Variants in CACNB3 observed in about 807,000 individuals in gnomAD.
CACNB3 encodes the protein voltage-dependent L-type calcium channel subunit beta-3.
In CACNB3, 36 loss-of-function variants were observed where a neutral mutation model predicts 63.7. The ratio of observed to expected loss-of-function variants is 0.57; its 90% CI spans 0.43 to 0.75. The LOEUF (loss-of-function observed/expected upper bound fraction) is 0.75, where lower values mean the gene tolerates loss of function less well. Ranked by LOEUF, CACNB3 falls within the 30% of genes least tolerant of loss-of-function variation. The pLI is 0.00. For missense variants in CACNB3, 493 were observed against 648.6 expected, an observed-to-expected ratio of 0.76 and a Z score of 2.61; for synonymous variants, 241 against 250.6, an observed-to-expected ratio of 0.96 and a Z score of 0.36.
rs1457041782 is a variant in CACNB3 at position 48,826,342 on chromosome 12, G to A, written c.743-25G>A. 1 of 1,613,600 alleles carries A rather than the reference G, an allele frequency of 6.2e-7. No individual in the cohort carries two copies. Among genetic ancestry groups the A allele is most frequent in the Admixed American group, 1.7e-5 (1 of 60,020 alleles). Reference sequence around the variant, plus strand: ...GAGCAGTGGGCAGAGCTCCTGGTGAGCACTGCTGCTGCCTCCCTCCATAGC... The same window carrying A: ...GAGCAGTGGGCAGAGCTCCTGGTGAACACTGCTGCTGCCTCCCTCCATAGC... On this transcript the variant is annotated intron_variant, in intron 9 of 12. Transcript: ENST00000301050. This position sits in a 1 kb window ranked among gnomAD's most constrained non-coding sequence, Gnocchi z 4.8.
upstream of CACNB3, chr12:48,814,673 C>T (rs1942243245): frequency 1.2e-5 from 13 of 1,077,462 alleles, no homozygotes; most frequent in South Asian, 2.0e-4. This position sits in a 1 kb window ranked among gnomAD's most constrained non-coding sequence, Gnocchi z 6.9. Flanking sequence ...GACTGCAGTT[C>T]CTGGAGAAAG....
intron 1 of CACNB3, 78 bp downstream of exon 1, chr12:48,819,052 G>A: frequency 6.7e-7 from 1 of 1,497,802 alleles, no homozygotes; most frequent in Non-Finnish European, 9.1e-7. Flanking sequence ...CCCCGGTTCA[G>A]GACTTTGAAA....
At position 48,828,070 on chromosome 12, in the gene CACNB3, A is replaced by AG. The variant is rs1938247914; in HGVS notation, c.*175dup. 1.6e-6 allele frequency: 1 copy of AG among 633,236 alleles called. No homozygotes were observed. The highest frequency in any genetic ancestry group is 1.8e-5 in the African/African-American group (1 of 54,552). The allele number at this position is 633,236 out of a possible 1,614,324, so 39.2% of individuals were successfully genotyped here. On this transcript the variant is annotated 3_prime_UTR_variant, in exon 13 of 13. Coordinates refer to ENST00000301050, the MANE Select transcript of CACNB3 (RefSeq NM_000725.4). ...GTGGTCCCAAGGTTCTGGGAGAAAC[A>AG]GGGGACCCCCTCACCTCCTGGGCAG... is the stretch of plus-strand genomic sequence containing the variant.
Position 48,828,131 on chromosome 12 carries a change from G to A in CACNB3, c.*232G>A, listed in dbSNP as rs926621726. The stretch of plus-strand genomic sequence containing the variant: ...TAGGCTCCCATTCCAGGTACTAGCT[G>A]TGTGTTCTGCACCCCTGGCACCTTC... On this transcript the variant is annotated 3_prime_UTR_variant, in exon 13 of 13. Transcript: ENST00000301050. The A allele has an allele frequency of 3.4e-6, 2 of 581,888 alleles. No individual in the cohort carries two copies. The highest frequency in any genetic ancestry group is 1.9e-5 in the African/African-American group (1 of 53,458). 36.0% of individuals were successfully genotyped at this position (581,888 alleles called of 1,614,324 possible). A position where few individuals can be genotyped will look rare whatever the true frequency, so the allele number is the denominator to read the frequency against.
rs1253987167 is a variant in CACNB3, at chr12:48,823,904, G to A, written c.291+101G>A. On this transcript the variant is annotated intron_variant, in intron 3 of 12. Coordinates refer to ENST00000301050, the MANE Select transcript of CACNB3 (RefSeq NM_000725.4). The surrounding 1 kb of genome is among the most constrained non-coding windows in gnomAD (Gnocchi z 4.2). The stretch of plus-strand genomic sequence containing the variant: ...TTGAATCCTCAGTCTAATTCCCCAA[G>A]CTAATCAGCTCTTCTCCTTAACACA... The A allele has an allele frequency of 6.8e-7, 1 of 1,469,736 alleles. No individual in the cohort carries two copies. Among genetic ancestry groups the A allele is most frequent in the African/African-American group, 1.4e-5 (1 of 71,612 alleles). 91.0% of individuals were successfully genotyped at this position (1,469,736 alleles called of 1,614,324 possible).
In CACNB3 at chr12:48,823,567, T is replaced by G; in HGVS notation, c.168+101T>G. ...GGTCCTTGGGCAGGATGTCCTTGAG[T>G]GTGAGAGGGTGTGTGTGATGGGCAG... is the stretch of plus-strand genomic sequence containing the variant. On this transcript the variant is annotated intron_variant, in intron 2 of 12. Coordinates refer to ENST00000301050, the MANE Select transcript of CACNB3 (RefSeq NM_000725.4). The surrounding 1 kb of genome is among the most constrained non-coding windows in gnomAD (Gnocchi z 4.2). 1 of 1,596,808 alleles carries G rather than the reference T, an allele frequency of 6.3e-7. No individual in the cohort carries two copies. Among genetic ancestry groups the G allele is most frequent in the Non-Finnish European group, 8.5e-7 (1 of 1,170,524 alleles).
chr12:48,818,351 G>A (rs947472862), upstream of CACNB3: 5 of 605,414 alleles, frequency 8.3e-6, no homozygotes, highest in Non-Finnish European at 1.0e-5. The surrounding 1 kb of genome is among the most constrained non-coding windows in gnomAD (Gnocchi z 4.3). Context: ...CGTCTCCCTC[G>A]CGGTCTCAGC....
At chr12:48,824,135 G>A (rs1344263869) in intron 3 of CACNB3, 123 bp from the exon 4 acceptor site, 15 of 835,354 alleles carry the variant, frequency 1.8e-5, no homozygotes, top group Admixed American at 8.3e-5. Context: ...TCTGCCCACC[G>A]CCCCTTGCAT....
upstream of CACNB3, chr12:48,815,744 G>A (rs1488603038): frequency 3.7e-6 from 5 of 1,341,600 alleles, no homozygotes; most frequent in African/African-American, 7.4e-5. Context: ...CGTGGGGGGG[G>A]TGTGGGGTCG....
Position 48,827,627 on chromosome 12 carries a change from C to G in CACNB3, c.1183C>G (p.Leu395Val). ...GGAGCGTGGCGAGGAGCACTCCCCC[C>G]TTGAGCGGGACAGCTTGATGCCCTC... ...LGERGEEHSP[L>V]ERDSLMPSDE... The change falls in exon 13 of 13, where the codon CTT (leucine) becomes GTT (valine). Residue 395 changes from leucine to valine, a missense_variant. By Grantham distance (32) the Leu-to-Val change is conservative. Coordinates refer to ENST00000301050, the MANE Select transcript of CACNB3 (RefSeq NM_000725.4). 1 of 1,613,610 alleles carries G rather than the reference C, an allele frequency of 6.2e-7. No individual in the cohort carries two copies. Among genetic ancestry groups the G allele is most frequent in the Non-Finnish European group, 8.5e-7 (1 of 1,179,952 alleles).
At position 48,824,391 on chromosome 12, in the gene CACNB3, A is replaced by G; in HGVS notation, c.407+18A>G. The G allele has an allele frequency of 1.3e-6, 2 of 1,578,456 alleles. No homozygotes were observed. The highest frequency in any genetic ancestry group is 1.7e-6 in the Non-Finnish European group (2 of 1,160,770). On this transcript the variant is annotated intron_variant, in intron 4 of 12. Transcript: ENST00000301050. ...AAGGCCAGGTGAGAGTTGGGCCATG[A>G]GTCAGTAAACACACCCCAAACACTT...
At chr12:48,824,532 C>T in intron 4 of CACNB3, 137 bp from the exon 5 acceptor site, 1 of 1,052,946 alleles carries the variant, frequency 9.5e-7, no homozygotes, top group Non-Finnish European at 1.4e-6. Flanking sequence ...TCTACAAACA[C>T]ACACACATAT....
Position 48,826,602 on chromosome 12 carries a change from C to T in CACNB3, c.894+84C>T. 2 of 1,551,390 alleles carry T rather than the reference C, an allele frequency of 1.3e-6. No individual in the cohort carries two copies. Among genetic ancestry groups the T allele is most frequent in the Non-Finnish European group, 8.9e-7 (1 of 1,126,708 alleles). ...GATTCTACTTGGTCCCTGCCTGGGG[C>T]ACCTGAGTTCCCTTTTCCTGCTGCC... On this transcript the variant is annotated intron_variant, in intron 10 of 12. Transcript: ENST00000301050. This position sits in a 1 kb window ranked among gnomAD's most constrained non-coding sequence, Gnocchi z 4.8.
chr12:48,827,472 C>T (rs978577237), intron 12 of CACNB3, 113 bp from the exon 13 acceptor site: 5 of 1,046,180 alleles, frequency 4.8e-6, no homozygotes, highest in African/African-American at 1.6e-5. Context: ...TTTTTCCTTG[C>T]ACTATTTCCT....
chr12:48,815,557 G>A (rs150857355), upstream of CACNB3: 4 of 1,506,986 alleles, frequency 2.7e-6, no homozygotes, highest in African/African-American at 5.5e-5. Flanking sequence ...GGGAGCAGGC[G>A]GCGGAGCCCG....
chr12:48,819,844 C>T (rs142907606), intron 1 of CACNB3: 435 of 332,340 alleles, frequency 1.3e-3, no homozygotes, highest in Non-Finnish European at 1.9e-3. Flanking sequence ...CAGTGATTCC[C>T]GGAGCTCAGA....
chr12:48,827,274 A>C, intron 12 of CACNB3, 151 bp downstream of exon 12: 1 of 976,518 alleles, frequency 1.0e-6, no homozygotes, highest in Non-Finnish European at 1.5e-6. Flanking sequence ...ACAGACGGGC[A>C]AAGGAACTTC....
In CACNB3 at chr12:48,826,893, C is replaced by T. The variant is rs769864901; in HGVS notation, c.990+39C>T. 6.8e-6 allele frequency: 11 copies of T among 1,612,146 alleles called. No individual in the cohort carries two copies. Among genetic ancestry groups the T allele is most frequent in the Non-Finnish European group, 8.5e-6 (10 of 1,178,322 alleles). On this transcript the variant is annotated intron_variant, in intron 11 of 12. Transcript: ENST00000301050. This position sits in a 1 kb window ranked among gnomAD's most constrained non-coding sequence, Gnocchi z 4.8. ...TCAGCTGCTCCTGTGCCCACTCCCC[C>T]AGGGCTGCGGCAGTGATAGAGATGG...
Position 48,824,551 on chromosome 12 carries a change from C to T in CACNB3, c.408-118C>T, listed in dbSNP as rs866004975. The T allele has an allele frequency of 1.8e-4, 203 of 1,116,338 alleles. No homozygotes were observed. In the Middle Eastern group the frequency reaches 3.8e-3, roughly 21 times the overall value. The allele number at this position is 1,116,338 out of a possible 1,614,324, so 69.2% of individuals were successfully genotyped here. On this transcript the variant is annotated intron_variant, in intron 4 of 12. Transcript: ENST00000301050. ...CAAACACACACACATATTGCATGTA[C>T]ACCTGTCTCACTAGATAAAGCATAT...
Sources: allele counts gnomAD v4.1 joint callset, GRCh38; gene constraint gnomAD v4.1.1; non-coding constraint Gnocchi (gnomAD v3.1); transcripts MANE v1.5; gene names NCBI Gene and HGNC (gene_info 2026-07-23, HGNC 2026-07-21).